The following CRAMP1 variants were observed in gnomAD, a reference collection of about 807,000 sequenced individuals.
The protein encoded by CRAMP1 is protein cramped-like.
Under a neutral mutation model 115.4 loss-of-function variants are expected in CRAMP1, and 50 were observed. That is an observed-to-expected ratio of 0.43 (90% CI 0.35 to 0.55). CRAMP1 has a LOEUF of 0.55. Among genes scored for constraint, CRAMP1 ranks in the 20% least tolerant of loss-of-function variants. The pLI, the probability that CRAMP1 is intolerant of heterozygous loss-of-function variation, is 0.01. For missense variants in CRAMP1, 1,679 were observed against 1,721.7 expected (o/e 0.98, Z 0.44); for synonymous variants, 866 against 745.4 (o/e 1.16, Z -2.64).
Position 1,674,017 on chromosome 16 carries a change from G to A in CRAMP1, c.3782G>A (p.Gly1261Asp), listed in dbSNP as rs1445184712. The A allele has an allele frequency of 2.5e-6, 4 of 1,612,176 alleles. No individual in the cohort carries two copies. The highest frequency in any genetic ancestry group is 3.4e-6 in the Non-Finnish European group (4 of 1,179,846). ...REALFDGGGG[G>D]PAVSDLSQ is the part of the protein sequence containing the mutation. ...GCTCTGTTTGATGGTGGTGGAGGCG[G>A]CCCCGCTGTCAGTGACCTGTCCCAG... The change falls in exon 21 of 21, where the codon GGC becomes GAC. Residue 1261 changes from glycine (G) to aspartate (D), a missense_variant. Around this residue, in one of 8 missense-constraint regions of CRAMP1, gnomAD observed 709 missense variants for 741.9 expected, o/e 0.96. Coordinates refer to ENST00000397412, the MANE Select transcript of CRAMP1 (RefSeq NM_020825.4).
intron 5 of CRAMP1, among the ~76,000 whole-genome samples, chr16:1,639,143 C>T (rs2036611997): frequency 6.6e-6 from 1 of 152,020 alleles, no homozygotes; most frequent in African/African-American, 2.4e-5. Context: ...CCATGTGTTC[C>T]CACTCCTTGT....
At chr16:1,665,999 C>T (rs2036872147) in intron 14 of CRAMP1, 74 bp from the exon 15 acceptor site, 2 of 966,814 alleles carry the variant, frequency 2.1e-6, no homozygotes, top group South Asian at 1.4e-5. Flanking sequence ...AAAGGAAGCC[C>T]CCTGCGGCCA....
intron 10 of CRAMP1, among the ~76,000 whole-genome samples, chr16:1,659,213 G>A (rs893151344): frequency 1.2e-4 from 18 of 152,136 alleles, no homozygotes; most frequent in African/African-American, 4.1e-4. Context: ...ATAGCTTTGA[G>A]CTCTTGACAC....
intron 2 of CRAMP1, chr16:1,620,760 G>A (rs750081324): frequency 6.7e-6 from 3 of 450,196 alleles, no homozygotes; most frequent in Admixed American, 2.4e-5. Context: ...CCCCCACCAC[G>A]ACCCTGATCC....
intron 16 of CRAMP1, among the ~76,000 whole-genome samples, 192 bp from the exon 17 acceptor site, chr16:1,667,136 AAAATTGG>A (rs1185821623): frequency 1.3e-5 from 2 of 152,250 alleles, no homozygotes; most frequent in Non-Finnish European, 1.5e-5. Context: ...GAAGCAACAA[AAAATTGG>A]AAGTACACGG....
intron 2 of CRAMP1, among the ~76,000 whole-genome samples, chr16:1,622,788 C>T (rs1459722252): frequency 8.7e-5 from 12 of 137,266 alleles, no homozygotes; most frequent in South Asian, 2.4e-4. Flanking sequence ...TTGAGACAGT[C>T]TCTCACTCTG....
At chr16:1,664,721 G>A (rs1160130440) in intron 13 of CRAMP1, among the ~76,000 whole-genome samples, 1 of 151,678 alleles carries the variant, frequency 6.6e-6, no homozygotes, top group African/African-American at 2.4e-5. Context: ...AGAGGTTTCA[G>A]TGAGCCGAAA....
At chr16:1,632,137 T>C in intron 3 of CRAMP1, 75 bp from the exon 4 acceptor site, 1 of 1,457,258 alleles carries the variant, frequency 6.9e-7, no homozygotes, top group Non-Finnish European at 9.2e-7. Flanking sequence ...CTCGGAACCT[T>C]GGAAAGGGTC....
chr16:1,673,870 T>G lies in CRAMP1; in HGVS notation c.3646-11T>G. 6.2e-7 allele frequency: 1 copy of G among 1,613,608 alleles called. No individual in the cohort carries two copies. Among genetic ancestry groups the G allele is most frequent in the Non-Finnish European group, 8.5e-7 (1 of 1,179,708 alleles). ...GCGGTGACTTGTTCTTCCTGTCTCC[T>G]CTTCCTGCAGGTTGTGGATTCCCAG... On this transcript the variant is annotated splice_polypyrimidine_tract_variant and intron_variant, in intron 20 of 20. Coordinates refer to ENST00000397412, the MANE Select transcript of CRAMP1 (RefSeq NM_020825.4).
chr16:1,656,311 C>T lies in CRAMP1; in HGVS notation c.1554C>T (p.Asp518=). ...ACAGGCCTCCTCCCAGGCACCAGGA[C>T]ACTGGGCCATGTCTTGAGAAGACCC... ...APDRPPPRHQ[D]TGPCLEKTPA... Residue 518 remains aspartate, a synonymous_variant, in exon 10 of 21, where the codon GAC becomes GAT. Coordinates refer to ENST00000397412, the MANE Select transcript of CRAMP1 (RefSeq NM_020825.4). The surrounding 1 kb of genome is among the most constrained non-coding windows in gnomAD (Gnocchi z 5.6). 2.5e-6 allele frequency: 4 copies of T among 1,611,892 alleles called. No homozygotes were observed. The highest frequency in any genetic ancestry group is 3.4e-6 in the Non-Finnish European group (4 of 1,179,564).
chr16:1,618,846 CACA>C (rs1409095849), intron 2 of CRAMP1, among the ~76,000 whole-genome samples: 1 of 152,064 alleles, frequency 6.6e-6, no homozygotes, highest in Non-Finnish European at 1.5e-5. Context: ...GCCTGGGTGA[CACA>C]ACAAGACCCT....
rs1332148215 is a variant in CRAMP1, at chr16:1,614,579, G to T, written c.-1-60G>T. On this transcript the variant is annotated intron_variant, in intron 1 of 20. Coordinates refer to ENST00000397412, the MANE Select transcript of CRAMP1 (RefSeq NM_020825.4). This position sits in a 1 kb window ranked among gnomAD's most constrained non-coding sequence, Gnocchi z 4.4. ...GCGGCCATGTTGAGAGCGCGTCGGG[G>T]CCGCTAAACTTCCCGGCCTGCGCCC... 7.6e-6 allele frequency: 8 copies of T among 1,058,732 alleles called. No homozygotes were observed. The highest frequency in any genetic ancestry group is 9.6e-6 in the Non-Finnish European group (8 of 834,698). 65.6% of individuals were successfully genotyped at this position (1,058,732 alleles called of 1,614,324 possible).
intron 3 of CRAMP1, among the ~76,000 whole-genome samples, chr16:1,627,430 A>G (rs998143738): frequency 6.6e-6 from 1 of 152,052 alleles, no homozygotes; most frequent in Admixed American, 6.6e-5. Context: ...TTTAATAGCT[A>G]ATTAATTGGG....
At position 1,614,774 on chromosome 16, in the gene CRAMP1, A is replaced by G; in HGVS notation, c.135A>G (p.Thr45=). ...GADAAEESSG[T]KRDEKTPRAG... is the part of the protein sequence containing the mutation. Reference sequence around the variant, plus strand: ...ACGCGGCCGAGGAGAGCAGCGGCACAAAGAGGGACGAGAAGACCCCCCGGG... The same window carrying G: ...ACGCGGCCGAGGAGAGCAGCGGCACGAAGAGGGACGAGAAGACCCCCCGGG... Residue 45 remains threonine, a synonymous_variant, in exon 2 of 21, where the codon ACA becomes ACG. Transcript: ENST00000397412. This position sits in a 1 kb window ranked among gnomAD's most constrained non-coding sequence, Gnocchi z 4.4. The G allele has an allele frequency of 7.4e-7, 1 of 1,359,812 alleles. No homozygotes were observed. Among genetic ancestry groups the G allele is most frequent in the Non-Finnish European group, 9.6e-7 (1 of 1,045,282 alleles). 84.2% of individuals were successfully genotyped at this position (1,359,812 alleles called of 1,614,324 possible).
intron 2 of CRAMP1, among the ~76,000 whole-genome samples, chr16:1,617,795 T>C (rs963857196): frequency 1.3e-5 from 2 of 152,082 alleles, no homozygotes; most frequent in African/African-American, 2.4e-5. Context: ...TGAAAAATGC[T>C]TTTTTTTCTA....
At chr16:1,668,902 C>T in intron 18 of CRAMP1, 99 bp from the exon 19 acceptor site, 1 of 1,117,358 alleles carries the variant, frequency 8.9e-7, no homozygotes, top group Non-Finnish European at 1.3e-6. Context: ...AGGGTAGAGC[C>T]CTGCGGCCCT....
At chr16:1,613,034 G>C (rs1315011317) in intron 1 of CRAMP1, among the ~76,000 whole-genome samples, 1 of 152,142 alleles carries the variant, frequency 6.6e-6, no homozygotes, top group Non-Finnish European at 1.5e-5. Flanking sequence ...AGTTCACTCT[G>C]GTGGCCGAGT....
At chr16:1,664,776 C>CT (rs912828683) in intron 13 of CRAMP1, among the ~76,000 whole-genome samples, 102 of 146,252 alleles carry the variant, frequency 7.0e-4, no homozygotes, top group African/African-American at 2.3e-3. Context: ...AAGACACCGT[C>CT]TCAAAAAAAA....
intron 16 of CRAMP1, among the ~76,000 whole-genome samples, chr16:1,667,017 C>G (rs145090117): frequency 6.6e-6 from 1 of 152,218 alleles, no homozygotes; most frequent in Non-Finnish European, 1.5e-5. Context: ...ACGGCCACTT[C>G]AGAGCTGCCC....
Sources: allele counts gnomAD v4.1 joint callset (sites outside exome capture counted in the v4.1 genomes callset), GRCh38; gene constraint gnomAD v4.1.1; regional missense constraint gnomAD v4.1.1; non-coding constraint Gnocchi (gnomAD v3.1); transcripts MANE v1.5; gene names NCBI Gene and HGNC (gene_info 2026-07-23, HGNC 2026-07-21).